Variants in ROBO2 observed in about 807,000 individuals in gnomAD.
The protein encoded by ROBO2 is roundabout homolog 2.
Under a neutral mutation model 160.8 loss-of-function variants are expected in ROBO2, and 53 were observed. The observed-to-expected ratio is 0.33, with a 90% CI of 0.26 to 0.41. The LOEUF is 0.41. Among genes scored for constraint, ROBO2 ranks in the 10% least tolerant of loss-of-function variants. The pLI, the probability that ROBO2 is intolerant of heterozygous loss-of-function variation, is 1.00. For synonymous variants in ROBO2, 664 were observed against 611.7 expected, an observed-to-expected ratio of 1.09 and a Z score of -1.26; for missense variants, 1,577 against 1,722.4, an observed-to-expected ratio of 0.92 and a Z score of 1.49.
At chr3:76,452,118 A>T (rs2077503810) in intron 2 of ROBO2, among the ~76,000 whole-genome samples, 1 of 152,064 alleles carries the variant, frequency 6.6e-6, no homozygotes, top group Non-Finnish European at 1.5e-5. Flanking sequence ...ATATTTTGTT[A>T]TACTATTAAA....
chr3:76,034,253 G>GA (rs1179029493), intron 2 of ROBO2, among the ~76,000 whole-genome samples: 3 of 151,796 alleles, frequency 2.0e-5, no homozygotes, highest in Admixed American at 6.6e-5. Context: ...TTTCCTGAAG[G>GA]AAAAAAAATA....
intron 2 of ROBO2, among the ~76,000 whole-genome samples, chr3:77,006,096 G>A (rs2061561910): frequency 6.6e-6 from 1 of 151,558 alleles, no homozygotes; most frequent in Non-Finnish European, 1.5e-5. Flanking sequence ...CCACATAAAG[G>A]GTAAAGACAG....
At chr3:76,897,205 T>G (rs1261156325) in intron 2 of ROBO2, among the ~76,000 whole-genome samples, 1 of 152,158 alleles carries the variant, frequency 6.6e-6, no homozygotes, top group East Asian at 1.9e-4. Context: ...GGATTGAAAT[T>G]TAGATTCACA....
chr3:77,551,765 A>T (rs2092929476), intron 8 of ROBO2, among the ~76,000 whole-genome samples: 1 of 152,066 alleles, frequency 6.6e-6, no homozygotes, highest in Non-Finnish European at 1.5e-5. Flanking sequence ...CTTCTGAGAT[A>T]CAAGTGCTTT....
chr3:77,472,855 G>A (rs1318951553), intron 2 of ROBO2, among the ~76,000 whole-genome samples: 1 of 152,128 alleles, frequency 6.6e-6, no homozygotes, highest in Admixed American at 6.6e-5. Flanking sequence ...GTTGAGAGAA[G>A]GGAACCCTTG....
rs958939574 is a variant in ROBO2 at position 76,704,456 on chromosome 3, C to A, written c.110-393558C>A. On this transcript the variant is annotated intron_variant, in intron 2 of 26. Transcript: ENST00000487694. ...GGAGGACAAGGCGTCAACATAAATA[C>A]CCAACTACTGTCTATGTATGAACTG... Among the ~76,000 whole-genome samples the A allele has an allele frequency of 3.3e-5, 5 of 152,210 alleles. No homozygotes were observed. In the South Asian group the frequency reaches 1.0e-3, roughly 32 times the overall value.
intron 2 of ROBO2, among the ~76,000 whole-genome samples, chr3:76,964,470 G>T (rs1480621719): frequency 6.6e-6 from 1 of 152,130 alleles, no homozygotes; most frequent in East Asian, 1.9e-4. Flanking sequence ...AGCCTCCAGA[G>T]TAGCTGGGAT....
intron 2 of ROBO2, among the ~76,000 whole-genome samples, chr3:76,773,394 C>G (rs1198316619): frequency 6.6e-6 from 1 of 150,540 alleles, no homozygotes; most frequent in Non-Finnish European, 1.5e-5. Context: ...TTTATTCTTT[C>G]CCCACACATA....
chr3:77,527,218 ATTATAT>A (rs1317492378), intron 6 of ROBO2, among the ~76,000 whole-genome samples, 179 bp from the exon 7 acceptor site: 2 of 151,546 alleles, frequency 1.3e-5, no homozygotes, highest in Admixed American at 1.3e-4. Flanking sequence ...TTTTCCTAGA[ATTATAT>A]TTATAACTCT....
intron 2 of ROBO2, among the ~76,000 whole-genome samples, chr3:76,936,854 G>A (rs754515058): frequency 6.0e-5 from 9 of 151,150 alleles, no homozygotes; most frequent in Non-Finnish European, 1.3e-4. Flanking sequence ...GAAACACCTA[G>A]TTAAATATAT....
chr3:77,088,285 C>T (rs752404493), intron 1 of ROBO2, among the ~76,000 whole-genome samples: 7 of 152,098 alleles, frequency 4.6e-5, no homozygotes, highest in Non-Finnish European at 7.4e-5. Flanking sequence ...TTACCTTCAC[C>T]TGAAAGATCA....
At chr3:76,710,526 A>G (rs953907821) in intron 2 of ROBO2, among the ~76,000 whole-genome samples, 4 of 152,324 alleles carry the variant, frequency 2.6e-5, no homozygotes, top group Non-Finnish European at 5.9e-5. Context: ...GTTAATTACT[A>G]CTTGACCCTA....
chr3:76,218,786 CT>C (rs202077328), intron 2 of ROBO2, among the ~76,000 whole-genome samples: 11,981 of 152,218 alleles, frequency 0.079, 654 homozygotes, highest in East Asian at 0.22. Context: ...CTACCAATGA[CT>C]TTCTTCACAG....
intron 2 of ROBO2, among the ~76,000 whole-genome samples, chr3:77,356,393 AGAGT>A (rs1275752252): frequency 5.3e-5 from 8 of 152,166 alleles, no homozygotes; most frequent in Non-Finnish European, 1.5e-5. Flanking sequence ...AGACAGAGAG[AGAGT>A]AAGAGAGACT....
intron 2 of ROBO2, among the ~76,000 whole-genome samples, chr3:76,968,393 T>C (rs1420871154): frequency 6.6e-6 from 1 of 152,178 alleles, no homozygotes; most frequent in Non-Finnish European, 1.5e-5. Context: ...ATATTAAAAT[T>C]GTGTGGAGCT....
At chr3:77,201,242 A>G (rs1420802814) in intron 2 of ROBO2, among the ~76,000 whole-genome samples, 1 of 152,188 alleles carries the variant, frequency 6.6e-6, no homozygotes, top group Non-Finnish European at 1.5e-5. Flanking sequence ...AGAACTTTCT[A>G]GATTTTGTGC....
intron 2 of ROBO2, among the ~76,000 whole-genome samples, chr3:76,445,868 T>C (rs1184362389): frequency 6.6e-6 from 1 of 152,024 alleles, no homozygotes; most frequent in African/African-American, 2.4e-5. Context: ...CTCAATAAAT[T>C]AGGTACTGAT....
At chr3:76,357,486 A>G (rs2075243891) in intron 2 of ROBO2, among the ~76,000 whole-genome samples, 1 of 152,040 alleles carries the variant, frequency 6.6e-6, no homozygotes, top group Non-Finnish European at 1.5e-5. Flanking sequence ...TTATAAAAGC[A>G]GGTCAAACAA....
At chr3:77,507,924 A>G (rs999902662) in intron 5 of ROBO2, among the ~76,000 whole-genome samples, 1 of 152,086 alleles carries the variant, frequency 6.6e-6, no homozygotes, top group East Asian at 1.9e-4. Context: ...GATGCACCAG[A>G]TTTTATTTAA....
Sources: gnomAD v4.1 joint callset for allele counts (sites outside exome capture counted in the v4.1 genomes callset) on GRCh38, gnomAD v4.1.1 for gene constraint, MANE v1.5 for transcripts, NCBI Gene and HGNC (gene_info 2026-07-23, HGNC 2026-07-21) for gene names.